EHBP1: variants seen among roughly 807,000 people sequenced by gnomAD.
The protein encoded by EHBP1 is EH domain-binding protein 1.
In EHBP1, 55 loss-of-function variants were observed where a neutral mutation model predicts 144.0. That is an observed-to-expected ratio of 0.38 (90% CI 0.31 to 0.48). EHBP1 has a LOEUF of 0.48. EHBP1 is among the 20% of genes least tolerant of loss of function. The pLI is 0.98. For synonymous variants in EHBP1, 469 were observed against 472.7 expected (o/e 0.99, Z 0.10); for missense variants, 1,200 against 1,364.2 (o/e 0.88, Z 1.90).
chr2:62,884,433 T>C (rs983902719), intron 10 of EHBP1, among the ~76,000 whole-genome samples: 6 of 152,204 alleles, frequency 3.9e-5, no homozygotes, highest in African/African-American at 1.4e-4. Flanking sequence ...TCAAATTGTG[T>C]GGGCCCCGTG....
chr2:63,020,670 T>C (rs985687520), intron 19 of EHBP1, among the ~76,000 whole-genome samples: 1 of 151,662 alleles, frequency 6.6e-6, no homozygotes, highest in Non-Finnish European at 1.5e-5. Context: ...TTTCTGCCTT[T>C]TTTCTTTCTT....
chr2:63,011,561 T>G (rs576488867), intron 19 of EHBP1, among the ~76,000 whole-genome samples: 18 of 152,118 alleles, frequency 1.2e-4, no homozygotes, highest in African/African-American at 4.3e-4. Flanking sequence ...TTTTTGTGGT[T>G]GTTTAACAGA....
intron 19 of EHBP1, among the ~76,000 whole-genome samples, chr2:63,006,187 A>G (rs556631721): frequency 6.6e-5 from 10 of 152,166 alleles, no homozygotes; most frequent in Admixed American, 3.3e-4. Context: ...CAAGGAGTCA[A>G]CAGTGCTTTG....
At chr2:62,967,601 G>T (rs902685167) in intron 14 of EHBP1, among the ~76,000 whole-genome samples, 2 of 152,082 alleles carry the variant, frequency 1.3e-5, no homozygotes, top group African/African-American at 2.4e-5. Flanking sequence ...TTGATCACTT[G>T]TATCTTACGG....
intron 5 of EHBP1, among the ~76,000 whole-genome samples, chr2:62,800,009 G>A (rs754526501): frequency 1.3e-5 from 2 of 152,150 alleles, no homozygotes; most frequent in East Asian, 1.9e-4. Flanking sequence ...GTGCTGTTTC[G>A]TCACCTAAAG....
intron 14 of EHBP1, 148 bp from the exon 15 acceptor site, chr2:62,979,040 G>A (rs2058840502): frequency 5.7e-6 from 3 of 529,760 alleles, no homozygotes; most frequent in African/African-American, 3.8e-5. Context: ...TTTTAAAAAT[G>A]GTGTGACATC....
rs191782820 is a variant in EHBP1, at chr2:62,753,116, G to A, written c.162+5664G>A. Among the ~76,000 whole-genome samples, 47 of 152,234 alleles carry A rather than the reference G, an allele frequency of 3.1e-4. 1 individual carries two copies. The highest frequency in any genetic ancestry group is 2.7e-3 in the Admixed American group (42 of 15,292). Reference sequence around the variant, plus strand: ...TAGCATCGATGGTCTTTACAATTTGGCATGTTTTTACAGTGGCTGGTACTG... The same window carrying A: ...TAGCATCGATGGTCTTTACAATTTGACATGTTTTTACAGTGGCTGGTACTG... On this transcript the variant is annotated intron_variant, in intron 3 of 22. Transcript: ENST00000431489.
chr2:62,898,276 G>T (rs2053106000), intron 10 of EHBP1, among the ~76,000 whole-genome samples: 1 of 152,072 alleles, frequency 6.6e-6, no homozygotes, highest in Admixed American at 6.5e-5. Context: ...GTAAGATACT[G>T]CATAAAATAA....
chr2:62,793,945 G>A (rs543382653), intron 5 of EHBP1, among the ~76,000 whole-genome samples: 1 of 152,212 alleles, frequency 6.6e-6, no homozygotes, highest in Admixed American at 6.5e-5. Context: ...AGTCTTACTT[G>A]ATATAGTTTT....
At chr2:62,751,663 C>T (rs1444298772) in intron 3 of EHBP1, among the ~76,000 whole-genome samples, 1 of 152,102 alleles carries the variant, frequency 6.6e-6, no homozygotes, top group Admixed American at 6.5e-5. Context: ...AATTTCAGAG[C>T]CTGTTATTGG....
At chr2:62,798,623 T>C (rs1297320486) in intron 5 of EHBP1, among the ~76,000 whole-genome samples, 1 of 152,182 alleles carries the variant, frequency 6.6e-6, no homozygotes, top group East Asian at 1.9e-4. Flanking sequence ...AACATGTGCT[T>C]AGAACAGCGC....
At chr2:62,777,933 A>G (rs768691893) in intron 5 of EHBP1, among the ~76,000 whole-genome samples, 20 of 152,200 alleles carry the variant, frequency 1.3e-4, no homozygotes, top group South Asian at 2.1e-4. Context: ...AACAGAAAAC[A>G]TGAGCTCCCC....
In EHBP1 at chr2:62,780,082, T is replaced by G. The variant is rs1008835491; in HGVS notation, c.312+8690T>G. ...TCAGAAAAGGTGACCTACCAGCAAA[T>G]AATTTTTTTTTAACTTAACTGCCTT... On this transcript the variant is annotated intron_variant, in intron 5 of 22. Coordinates refer to ENST00000431489, the MANE Select transcript of EHBP1 (RefSeq NM_001142616.3). 2.6e-5 allele frequency among the ~76,000 whole-genome samples: 4 copies of G among 152,142 alleles called. No individual in the cohort carries two copies. The South Asian group carries it at 8.3e-4, about 32-fold the overall frequency.
chr2:62,892,313 T>C (rs570254859), intron 10 of EHBP1, among the ~76,000 whole-genome samples: 39 of 152,286 alleles, frequency 2.6e-4, no homozygotes, highest in African/African-American at 9.1e-4. Context: ...TTTTGGTTTT[T>C]AGTTTTTTGT....
intron 5 of EHBP1, among the ~76,000 whole-genome samples, chr2:62,776,150 G>A (rs967772364): frequency 1.3e-5 from 2 of 152,040 alleles, no homozygotes; most frequent in African/African-American, 4.8e-5. Context: ...TTTTTCTCAA[G>A]GCAACCTTAC....
At chr2:62,833,897 G>A (rs1407394023) in intron 7 of EHBP1, among the ~76,000 whole-genome samples, 27 of 152,194 alleles carry the variant, frequency 1.8e-4, no homozygotes, top group Admixed American at 1.6e-3. Context: ...ATTCATGGGA[G>A]GAGGTCAAAA....
At chr2:62,733,451 G>C (rs1291569783) in intron 2 of EHBP1, among the ~76,000 whole-genome samples, 1 of 152,160 alleles carries the variant, frequency 6.6e-6, no homozygotes, top group Non-Finnish European at 1.5e-5. Context: ...TGGTGGTAAG[G>C]TGTGGAGGAA....
chr2:62,957,589 C>T (rs997582518), intron 14 of EHBP1, among the ~76,000 whole-genome samples: 33 of 148,380 alleles, frequency 2.2e-4, no homozygotes, highest in Non-Finnish European at 3.4e-4. Flanking sequence ...ATAGAAAATT[C>T]CCCCAAAATT....
chr2:62,832,269 G>GT (rs766771818), intron 7 of EHBP1, among the ~76,000 whole-genome samples: 7 of 151,728 alleles, frequency 4.6e-5, no homozygotes, highest in Non-Finnish European at 1.0e-4. Flanking sequence ...TATTATTGAG[G>GT]TTTTTTATTT....
Sources: allele counts gnomAD v4.1 joint callset (sites outside exome capture counted in the v4.1 genomes callset), GRCh38; gene constraint gnomAD v4.1.1; transcripts MANE v1.5; gene names NCBI Gene and HGNC (gene_info 2026-07-23, HGNC 2026-07-21).